PTH2R: variants seen among roughly 807,000 people sequenced by gnomAD.
The protein encoded by PTH2R is parathyroid hormone 2 receptor.
PTH2R carries 59 observed loss-of-function variants against 60.3 expected under a neutral mutation model. The ratio of observed to expected loss-of-function variants is 0.98; its 90% CI spans 0.79 to 1.22. PTH2R has a LOEUF of 1.22. PTH2R is among the 50% of genes most tolerant of loss of function. The probability of loss-of-function intolerance (pLI) is 0.00; values close to 1 mark genes in which losing one functional copy is unlikely to be tolerated. For synonymous variants in PTH2R, 256 were observed against 243.8 expected (o/e 1.05, Z -0.47); for missense variants, 749 against 682.6 (o/e 1.10, Z -1.08).
chr2:208,420,281 A>G (rs767202099), intron 1 of PTH2R, among the ~76,000 whole-genome samples: 5 of 152,062 alleles, frequency 3.3e-5, no homozygotes, highest in African/African-American at 4.8e-5. Context: ...AACTTAAAGT[A>G]TAATAATTAA....
chr2:208,404,108 G>C (rs578066541), upstream of PTH2R, among the ~76,000 whole-genome samples: 28 of 152,336 alleles, frequency 1.8e-4, no homozygotes, highest in Non-Finnish European at 3.4e-4. Flanking sequence ...CAGTCAGAGA[G>C]TGTAAGGGGA....
intron 10 of PTH2R, among the ~76,000 whole-genome samples, 172 bp downstream of exon 10, chr2:208,481,336 G>T (rs866457803): frequency 6.6e-6 from 1 of 150,424 alleles, no homozygotes; most frequent in African/African-American, 2.4e-5. Flanking sequence ...TCAGCCTCCC[G>T]AGTAGCTGGG....
chr2:208,372,570 A>G (rs1463974829), intron 1 of PTH2R, among the ~76,000 whole-genome samples: 1 of 152,118 alleles, frequency 6.6e-6, no homozygotes, highest in Non-Finnish European at 1.5e-5. Context: ...TTGTAGTAGC[A>G]AAACACTACA....
intron 4 of PTH2R, among the ~76,000 whole-genome samples, chr2:208,439,688 C>G (rs1702144972): frequency 6.6e-6 from 1 of 151,892 alleles, no homozygotes; most frequent in African/African-American, 2.4e-5. Flanking sequence ...GGAAGGAATT[C>G]TAATGATGTC....
intron 1 of PTH2R, among the ~76,000 whole-genome samples, chr2:208,369,695 G>C (rs13003574): frequency 5.9e-5 from 9 of 151,878 alleles, no homozygotes; most frequent in African/African-American, 2.2e-4. Flanking sequence ...TATATAAAAG[G>C]TTCCCACCTA....
intron 1 of PTH2R, among the ~76,000 whole-genome samples, chr2:208,414,597 G>A (rs1331760378): frequency 6.6e-6 from 1 of 151,294 alleles, no homozygotes; most frequent in East Asian, 1.9e-4. Flanking sequence ...ATTAGAATAA[G>A]TAATTTTGGG....
intron 2 of PTH2R, among the ~76,000 whole-genome samples, chr2:208,430,400 A>G (rs1366189255): frequency 1.3e-5 from 2 of 151,788 alleles, no homozygotes; most frequent in Non-Finnish European, 2.9e-5. Context: ...CTTGAAAGAT[A>G]CTTTTTCTGG....
intron 9 of PTH2R, among the ~76,000 whole-genome samples, chr2:208,463,076 C>T (rs1702665492): frequency 6.6e-6 from 1 of 152,166 alleles, no homozygotes; most frequent in Non-Finnish European, 1.5e-5. Flanking sequence ...GTGGAAAGGA[C>T]ATGGGGCTGA....
intron 1 of PTH2R, among the ~76,000 whole-genome samples, chr2:208,424,506 G>A (rs1395428484): frequency 6.6e-6 from 1 of 152,196 alleles, no homozygotes; most frequent in Non-Finnish European, 1.5e-5. Context: ...ACTTGCCAAG[G>A]CTTGACATAA....
chr2:208,473,332 G>A (rs1574905492), intron 9 of PTH2R, among the ~76,000 whole-genome samples: 1 of 152,064 alleles, frequency 6.6e-6, no homozygotes, highest in African/African-American at 2.4e-5. Context: ...ATGTTTAATG[G>A]TATGAAATAT....
intron 3 of PTH2R, 38 bp downstream of exon 3, chr2:208,437,685 C>G (rs746301784): frequency 6.2e-7 from 1 of 1,602,660 alleles, no homozygotes; most frequent in South Asian, 1.1e-5. Flanking sequence ...TTAAAACAAA[C>G]ATTTACTTGT....
At chr2:208,375,917 C>G (rs1240469410) in intron 1 of PTH2R, among the ~76,000 whole-genome samples, 1 of 152,048 alleles carries the variant, frequency 6.6e-6, no homozygotes, top group Non-Finnish European at 1.5e-5. Flanking sequence ...ATGTCTCCAG[C>G]ACTTCTTTAG....
At chr2:208,490,494 GA>G (rs1196078656) in intron 11 of PTH2R, 144 bp from the exon 12 acceptor site, 1 of 630,266 alleles carries the variant, frequency 1.6e-6, no homozygotes, top group Non-Finnish European at 2.6e-6. Flanking sequence ...TAAGGATTTG[GA>G]AACACTAGGA....
intron 9 of PTH2R, among the ~76,000 whole-genome samples, chr2:208,472,962 A>C (rs1165188393): frequency 6.6e-6 from 1 of 152,258 alleles, no homozygotes; most frequent in Non-Finnish European, 1.5e-5. Context: ...ATGCCATGCC[A>C]GAGCCCACAG....
At chr2:208,454,712 T>C (rs1702475963) in intron 8 of PTH2R, among the ~76,000 whole-genome samples, 2 of 152,248 alleles carry the variant, frequency 1.3e-5, no homozygotes, top group South Asian at 4.1e-4. Flanking sequence ...AACCTATATA[T>C]GCAGTAATGC....
chr2:208,386,383 A>G (rs1701002102), intron 1 of PTH2R, among the ~76,000 whole-genome samples: 1 of 152,338 alleles, frequency 6.6e-6, no homozygotes, highest in South Asian at 2.1e-4. Flanking sequence ...TGTGTTTCAC[A>G]TATCTTGTGT....
At chr2:208,430,545 TC>T (rs1272487934) in intron 2 of PTH2R, among the ~76,000 whole-genome samples, 1 of 128,854 alleles carries the variant, frequency 7.8e-6, no homozygotes, top group Non-Finnish European at 1.7e-5. Context: ...CTGTCTGGCT[TC>T]TTTTTTTTTT....
At chr2:208,425,969 G>A (rs918304851) in intron 1 of PTH2R, among the ~76,000 whole-genome samples, 11 of 152,158 alleles carry the variant, frequency 7.2e-5, no homozygotes, top group African/African-American at 1.9e-4. Context: ...TATGTAATGT[G>A]TAGGGCTTTT....
rs370055837 is a variant in PTH2R, at chr2:208,462,699, G to C, written c.981+2738G>C. On this transcript the variant is annotated intron_variant, in intron 9 of 12. Coordinates refer to ENST00000272847, the MANE Select transcript of PTH2R (RefSeq NM_005048.4). ...AAAAACTAATTTAATATCTGCATTG[G>C]AAGTAAATAATAAACACAAAATCAT... Among the ~76,000 whole-genome samples the C allele has an allele frequency of 1.4e-4, 21 of 152,312 alleles. No individual in the cohort carries two copies. In the South Asian group the frequency reaches 4.3e-3, roughly 32 times the overall value.
Sources: allele counts gnomAD v4.1 joint callset (sites outside exome capture counted in the v4.1 genomes callset), GRCh38; gene constraint gnomAD v4.1.1; transcripts MANE v1.5; gene names NCBI Gene and HGNC (gene_info 2026-07-23, HGNC 2026-07-21).